The following LRMDA variants were observed in gnomAD, a reference collection of about 807,000 sequenced individuals.
LRMDA encodes the protein leucine rich melanocyte differentiation associated.
A neutral mutation model predicts 29.8 loss-of-function variants in LRMDA; 18 were observed. That is an observed-to-expected ratio of 0.60 (90% CI 0.42 to 0.90). The LOEUF (loss-of-function observed/expected upper bound fraction) is 0.90. LRMDA is among the 40% of genes least tolerant of loss of function. The pLI, the probability that LRMDA is intolerant of heterozygous loss-of-function variation, is 0.00. For synonymous variants in LRMDA, 125 were observed against 109.4 expected (o/e 1.14, Z -0.89); for missense variants, 273 against 273.9 (o/e 1.00, Z 0.02).
At chr10:75,687,049 C>T (rs1266966605) in intron 2 of LRMDA, among the ~76,000 whole-genome samples, 1 of 152,170 alleles carries the variant, frequency 6.6e-6, no homozygotes. Flanking sequence ...ACCACCCATT[C>T]TCCCATCCCT....
chr10:75,993,305 T>TGGA (rs377622603), intron 2 of LRMDA, among the ~76,000 whole-genome samples: 3 of 152,026 alleles, frequency 2.0e-5, no homozygotes, highest in Non-Finnish European at 4.4e-5. Flanking sequence ...CTGATGATGA[T>TGGA]GGAGGAGGAG....
chr10:75,692,144 G>C (rs991843433), intron 2 of LRMDA, among the ~76,000 whole-genome samples: 4 of 149,558 alleles, frequency 2.7e-5, no homozygotes, highest in African/African-American at 9.9e-5. Flanking sequence ...CAAGGCTAAA[G>C]TGAGATATGA....
chr10:76,232,002 T>A (rs1156254013), intron 5 of LRMDA, among the ~76,000 whole-genome samples: 3 of 152,336 alleles, frequency 2.0e-5, no homozygotes, highest in Non-Finnish European at 4.4e-5. Flanking sequence ...CATTCTTGGC[T>A]ATTTCTTCTA....
intron 5 of LRMDA, among the ~76,000 whole-genome samples, chr10:76,210,300 G>A (rs143269315): frequency 3.3e-4 from 50 of 152,216 alleles, no homozygotes; most frequent in African/African-American, 1.2e-3. Flanking sequence ...GGCAGTCCTC[G>A]AGCTAAATAA....
chr10:76,225,336 A>G (rs1021416070), intron 5 of LRMDA, among the ~76,000 whole-genome samples: 27 of 152,010 alleles, frequency 1.8e-4, no homozygotes, highest in African/African-American at 6.5e-4. Context: ...GCTTGAACCC[A>G]GGAGACGGAG....
chr10:75,735,873 T>A (rs1483464452), intron 2 of LRMDA, among the ~76,000 whole-genome samples: 1 of 151,948 alleles, frequency 6.6e-6, no homozygotes, highest in African/African-American at 2.4e-5. Flanking sequence ...ACACAGAGAG[T>A]CAGACACACA....
chr10:75,499,215 C>A (rs1348645545), intron 2 of LRMDA, among the ~76,000 whole-genome samples: 2 of 151,922 alleles, frequency 1.3e-5, no homozygotes, highest in Non-Finnish European at 2.9e-5. Flanking sequence ...CAGTTTCTAA[C>A]TCAAAAGTCT....
chr10:75,892,997 T>G (rs923142047), intron 2 of LRMDA, among the ~76,000 whole-genome samples: 1 of 152,106 alleles, frequency 6.6e-6, no homozygotes, highest in Non-Finnish European at 1.5e-5. Context: ...ATGATAAAAA[T>G]TAAGCCACCA....
chr10:76,084,716 A>C (rs976317947), intron 5 of LRMDA, among the ~76,000 whole-genome samples: 1 of 152,122 alleles, frequency 6.6e-6, no homozygotes, highest in Admixed American at 6.5e-5. Flanking sequence ...AGGTTAGTAA[A>C]AATTAGCCAC....
intron 6 of LRMDA, among the ~76,000 whole-genome samples, chr10:76,331,341 G>A (rs1840902598): frequency 6.6e-6 from 1 of 152,110 alleles, no homozygotes; most frequent in African/African-American, 2.4e-5. Flanking sequence ...TGCCACATAG[G>A]TCTCACCTAA....
At chr10:76,456,124 C>T (rs1010602162) in intron 6 of LRMDA, among the ~76,000 whole-genome samples, 2 of 152,160 alleles carry the variant, frequency 1.3e-5, no homozygotes, top group African/African-American at 4.8e-5. Flanking sequence ...GTTCGGTCTC[C>T]ATTTTGTTCC....
At chr10:75,533,828 T>C (rs12257443) in intron 2 of LRMDA, among the ~76,000 whole-genome samples, 2,331 of 152,176 alleles carry the variant, frequency 0.015, 65 homozygotes, top group African/African-American at 0.053. Flanking sequence ...AGAGTAACAA[T>C]TAATTGCACC....
chr10:75,831,704 T>C (rs1844348914), intron 2 of LRMDA, among the ~76,000 whole-genome samples: 1 of 152,222 alleles, frequency 6.6e-6, no homozygotes, highest in African/African-American at 2.4e-5. Context: ...TCCCCACCCC[T>C]GCAGCAAACT....
intron 2 of LRMDA, among the ~76,000 whole-genome samples, chr10:75,790,621 C>G (rs1843549702): frequency 6.6e-6 from 1 of 152,146 alleles, no homozygotes; most frequent in Admixed American, 6.5e-5. Flanking sequence ...CAAGCTCGGC[C>G]TTCACTTTCT....
intron 2 of LRMDA, among the ~76,000 whole-genome samples, chr10:75,604,237 T>C (rs1840926352): frequency 6.6e-6 from 1 of 152,198 alleles, no homozygotes; most frequent in African/African-American, 2.4e-5. Flanking sequence ...AAAAGGTTCA[T>C]ATTTAATTTG....
intron 5 of LRMDA, among the ~76,000 whole-genome samples, chr10:76,272,215 G>A (rs914815958): frequency 6.6e-5 from 10 of 152,198 alleles, no homozygotes; most frequent in African/African-American, 2.4e-4. Context: ...GGCCAGGTTG[G>A]CTTCCTGGGG....
intron 6 of LRMDA, among the ~76,000 whole-genome samples, chr10:76,451,205 C>T (rs1304990636): frequency 6.7e-6 from 1 of 149,494 alleles, no homozygotes; most frequent in African/African-American, 2.5e-5. Flanking sequence ...TTCTGATTTG[C>T]ATTTTTTTTT....
At chr10:76,549,126 G>A (rs577225769) in intron 6 of LRMDA, among the ~76,000 whole-genome samples, 1 of 152,152 alleles carries the variant, frequency 6.6e-6, no homozygotes, top group South Asian at 2.1e-4. Context: ...CTTCTAAGAT[G>A]ACAAGCCTCA....
intron 2 of LRMDA, among the ~76,000 whole-genome samples, chr10:75,832,144 T>A (rs1049242077): frequency 6.6e-6 from 1 of 152,226 alleles, no homozygotes; most frequent in Non-Finnish European, 1.5e-5. Context: ...TTTTACTGCA[T>A]CATCAGGCTA....
Sources: gnomAD v4.1 joint callset for allele counts (sites outside exome capture counted in the v4.1 genomes callset) on GRCh38, gnomAD v4.1.1 for gene constraint, MANE v1.5 for transcripts, NCBI Gene and HGNC (gene_info 2026-07-23, HGNC 2026-07-21) for gene names.